DLGAP2: variants seen among roughly 807,000 people sequenced by gnomAD.
The protein encoded by DLGAP2 is disks large-associated protein 2.
Under a neutral mutation model 100.3 loss-of-function variants are expected in DLGAP2, and 26 were observed. The ratio of observed to expected loss-of-function variants is 0.26; its 90% confidence interval spans 0.19 to 0.36. The LOEUF is 0.36. Among genes scored for constraint, DLGAP2 ranks in the 10% least tolerant of loss-of-function variants. The probability of loss-of-function intolerance (pLI) is 1.00; values close to 1 mark genes in which losing one functional copy is unlikely to be tolerated. For missense variants in DLGAP2, 1,858 were observed against 1,453.2 expected (o/e 1.28, Z -4.53); for synonymous variants, 886 against 630.1 (o/e 1.41, Z -6.08).
intron 3 of DLGAP2, among the ~76,000 whole-genome samples, chr8:1,426,052 C>A (rs905250144): frequency 6.6e-6 from 1 of 152,188 alleles, no homozygotes; most frequent in Non-Finnish European, 1.5e-5. Context: ...AGACCAAACT[C>A]TGAACCAAGG....
At chr8:977,408 GC>G (rs1306022486) in intron 2 of DLGAP2, among the ~76,000 whole-genome samples, 1 of 152,220 alleles carries the variant, frequency 6.6e-6, no homozygotes, top group African/African-American at 2.4e-5. Context: ...TCCATGGAGG[GC>G]ACATGGCAAT....
At chr8:1,668,091 A>G (rs1247181111) in intron 8 of DLGAP2, among the ~76,000 whole-genome samples, 1 of 152,212 alleles carries the variant, frequency 6.6e-6, no homozygotes, top group African/African-American at 2.4e-5. Context: ...GCAGGGACGC[A>G]CCTTGCTTAG....
intron 3 of DLGAP2, among the ~76,000 whole-genome samples, chr8:1,445,690 A>C (rs372310936): frequency 6.6e-6 from 1 of 152,132 alleles, no homozygotes; most frequent in African/African-American, 2.4e-5. Context: ...GGTTGAACTA[A>C]TTTACAGTCC....
At chr8:1,452,664 C>T (rs1204162481) in intron 3 of DLGAP2, among the ~76,000 whole-genome samples, 3 of 152,220 alleles carry the variant, frequency 2.0e-5, no homozygotes, top group Admixed American at 1.3e-4. Flanking sequence ...GATGCCGAAA[C>T]ATTATCAGCA....
chr8:1,131,066 A>G (rs1405157698), intron 2 of DLGAP2, among the ~76,000 whole-genome samples: 1 of 152,160 alleles, frequency 6.6e-6, no homozygotes, highest in Admixed American at 6.5e-5. Context: ...TAATTTTGAG[A>G]AAAAACATGT....
chr8:1,193,238 G>C (rs1797677391), intron 2 of DLGAP2, among the ~76,000 whole-genome samples: 1 of 152,166 alleles, frequency 6.6e-6, no homozygotes, highest in African/African-American at 2.4e-5. Flanking sequence ...GATCCTTGAG[G>C]AATCGCCACA....
At chr8:1,134,240 T>C (rs904044054) in intron 2 of DLGAP2, among the ~76,000 whole-genome samples, 8 of 152,240 alleles carry the variant, frequency 5.3e-5, no homozygotes, top group Non-Finnish European at 1.2e-4. Context: ...CAGTCTACCA[T>C]TGATGGCATT....
chr8:1,253,362 C>T (rs142603714), intron 2 of DLGAP2, among the ~76,000 whole-genome samples: 2,475 of 152,204 alleles, frequency 0.016, 34 homozygotes, highest in Non-Finnish European at 0.025. Context: ...CACCCCTCCC[C>T]GGGTTGGTGT....
intron 1 of DLGAP2, among the ~76,000 whole-genome samples, chr8:797,904 C>G (rs2132649735): frequency 6.6e-6 from 1 of 152,256 alleles, no homozygotes; most frequent in South Asian, 2.1e-4. Context: ...GCGCCTGCCA[C>G]CACACCTGGC....
At chr8:1,412,033 G>T (rs74517751) in intron 3 of DLGAP2, among the ~76,000 whole-genome samples, 12,726 of 152,254 alleles carry the variant, frequency 0.084, 680 homozygotes, top group Non-Finnish European at 0.12. Flanking sequence ...TCCTGCTAGG[G>T]ATGTCCTGCC....
intron 2 of DLGAP2, among the ~76,000 whole-genome samples, chr8:1,205,760 C>T (rs1481165527): frequency 6.6e-6 from 1 of 152,188 alleles, no homozygotes; most frequent in African/African-American, 2.4e-5. Context: ...GGGCGGGAGA[C>T]ATGGCTGTGC....
chr8:1,090,547 G>A (rs905227111), intron 2 of DLGAP2, among the ~76,000 whole-genome samples: 1 of 152,248 alleles, frequency 6.6e-6, no homozygotes, highest in Admixed American at 6.5e-5. Context: ...CTGAGTGGGA[G>A]GTTTGAGAAT....
rs150927269 is a variant in DLGAP2 at position 859,755 on chromosome 8, G to A, written c.19-48157G>A. Among the ~76,000 whole-genome samples, 497 of 152,244 alleles carry A rather than the reference G, an allele frequency of 3.3e-3. 11 individuals are homozygous for A. Among genetic ancestry groups the A allele is most frequent in the East Asian group, 8.7e-3 (45 of 5,158 alleles). On this transcript the variant is annotated intron_variant, in intron 1 of 14. Coordinates refer to ENST00000637795, the MANE Select transcript of DLGAP2 (RefSeq NM_001346810.2). ...CTCTGGCAGGTGATTTTTCTCCAGG[G>A]CCTTGGTTATTCAAGTAGCAGGAGT...
intron 2 of DLGAP2, among the ~76,000 whole-genome samples, chr8:1,164,201 G>C (rs11988685): frequency 0.036 from 829 of 22,772 alleles, 165 homozygotes; most frequent in Middle Eastern, 0.08. Flanking sequence ...TTTTCTGTGA[G>C]CCCCCAGGGC....
At chr8:1,493,381 T>G (rs1799449809) in intron 3 of DLGAP2, among the ~76,000 whole-genome samples, 1 of 152,142 alleles carries the variant, frequency 6.6e-6, no homozygotes, top group Admixed American at 6.5e-5. Context: ...TCCGCAGCTC[T>G]GAGACGTGCC....
At chr8:1,656,536 T>C (rs981478940) in intron 8 of DLGAP2, among the ~76,000 whole-genome samples, 1 of 152,184 alleles carries the variant, frequency 6.6e-6, no homozygotes, top group Admixed American at 6.5e-5. Context: ...ACTCCAGATA[T>C]TTGGGCAATT....
intron 3 of DLGAP2, among the ~76,000 whole-genome samples, chr8:1,491,934 G>A (rs60703740): frequency 6.6e-6 from 1 of 152,180 alleles, no homozygotes; most frequent in Admixed American, 6.5e-5. Context: ...GCTCCGGAGC[G>A]GGACGCGAGG....
intron 3 of DLGAP2, among the ~76,000 whole-genome samples, chr8:1,366,512 A>T (rs1315570273): frequency 6.6e-6 from 1 of 152,076 alleles, no homozygotes; most frequent in African/African-American, 2.4e-5. Context: ...TCCTGAGCTG[A>T]GGCTTTGGGG....
At chr8:1,576,624 C>G (rs1802990862) in intron 6 of DLGAP2, among the ~76,000 whole-genome samples, 1 of 152,106 alleles carries the variant, frequency 6.6e-6, no homozygotes, top group African/African-American at 2.4e-5. Flanking sequence ...AGTCTTTAAT[C>G]CATCTTGAAT....
Sources: allele counts gnomAD v4.1 joint callset (sites outside exome capture counted in the v4.1 genomes callset), GRCh38; gene constraint gnomAD v4.1.1; transcripts MANE v1.5; gene names NCBI Gene and HGNC (gene_info 2026-07-23, HGNC 2026-07-21).